The following GLI2 variants were observed in gnomAD, a reference collection of about 807,000 sequenced individuals.
GLI2 encodes transcription activator GLI2.
A neutral mutation model predicts 78.9 loss-of-function variants in GLI2; 22 were observed. That is an observed-to-expected ratio of 0.28 (90% CI 0.20 to 0.40). The LOEUF is 0.40. Ranked by LOEUF, GLI2 falls within the 10% of genes least tolerant of loss-of-function variation. GLI2 has a pLI of 1.00. For synonymous variants in GLI2, 974 were observed against 963.7 expected (o/e 1.01, Z -0.20); for missense variants, 2,097 against 2,213.2 (o/e 0.95, Z 1.05).
intron 6 of GLI2, 27 bp from the exon 7 acceptor site, chr2:120,970,366 C>G (rs775363396): frequency 9.3e-6 from 12 of 1,297,026 alleles, no homozygotes; most frequent in East Asian, 9.2e-5. Flanking sequence ...CCCCCACCCC[C>G]ACTTCCTTGT....
intron 2 of GLI2, among the ~76,000 whole-genome samples, chr2:120,897,532 G>A (rs1243666296): frequency 6.6e-6 from 1 of 152,206 alleles, no homozygotes; most frequent in East Asian, 1.9e-4. Context: ...TGTAGGCACA[G>A]GGTTTTTGGA....
At chr2:120,985,528 G>T (rs972163639) in intron 12 of GLI2, among the ~76,000 whole-genome samples, 3 of 152,186 alleles carry the variant, frequency 2.0e-5, no homozygotes, top group Admixed American at 6.5e-5. Context: ...CACCTAGAAG[G>T]TCCCTGCTCC....
intron 2 of GLI2, among the ~76,000 whole-genome samples, chr2:120,827,601 C>A (rs1461887892): frequency 6.6e-6 from 1 of 152,138 alleles, no homozygotes; most frequent in Non-Finnish European, 1.5e-5. Context: ...TTCATAGCAG[C>A]CTTATTCACA....
chr2:120,801,015 T>G (rs1335652004), intron 2 of GLI2, among the ~76,000 whole-genome samples: 2 of 152,190 alleles, frequency 1.3e-5, no homozygotes, highest in African/African-American at 4.8e-5. Flanking sequence ...TGGCCCCTCA[T>G]GCAGCCTCCC....
intron 2 of GLI2, among the ~76,000 whole-genome samples, 163 bp from the exon 3 acceptor site, chr2:120,927,198 T>C (rs1679723109): frequency 6.6e-6 from 1 of 152,262 alleles, no homozygotes. Context: ...TTTGATTATT[T>C]ATTCATCCCC....
chr2:120,921,097 T>A (rs1051003052), intron 2 of GLI2, among the ~76,000 whole-genome samples: 1 of 152,064 alleles, frequency 6.6e-6, no homozygotes, highest in African/African-American at 2.4e-5. Context: ...GCCAGGGGGC[T>A]CTGAGCAAGG....
chr2:120,840,377 G>A (rs560228350), intron 2 of GLI2, among the ~76,000 whole-genome samples: 2 of 152,222 alleles, frequency 1.3e-5, no homozygotes, highest in Non-Finnish European at 2.9e-5. Flanking sequence ...GGTATCTGGT[G>A]ACTCTTGTGT....
chr2:120,984,540 G>A lies in GLI2; in HGVS notation c.1702G>A (p.Val568Met). 1 of 1,614,232 alleles carries A rather than the reference G, an allele frequency of 6.2e-7. No homozygotes were observed. The highest frequency in any genetic ancestry group is 2.2e-5 in the East Asian group (1 of 44,872). ...YTDPSSLRKHVKTVHGPDAHV... is the reference protein window; with the variant it reads ...YTDPSSLRKHMKTVHGPDAHV... ...AGACCCCAGCTCTCTCCGGAAGCAT[G>A]TGAAAACGGTCCACGGCCCAGATGC... The change falls in exon 12 of 14, where the codon GTG becomes ATG. Residue 568 changes from valine to methionine, a missense_variant. Physicochemically the swap from Val to Met is conservative, Grantham distance 21 (BLOSUM62 1). Transcript: ENST00000361492.
rs527363637 is a variant in GLI2, at chr2:120,792,091, G to A, written c.-30-5200G>A. On this transcript the variant is annotated intron_variant, in intron 1 of 13. Transcript: ENST00000361492. ...CTCCTGGAGATTGATTTTGCCTGGG[G>A]AACAATGCTCTAATTCCTGTGAGTC... is the stretch of plus-strand genomic sequence containing the variant. Among the ~76,000 whole-genome samples, 19 of 152,322 alleles carry A rather than the reference G, an allele frequency of 1.2e-4. 1 individual carries two copies. In the South Asian group the frequency reaches 3.7e-3, roughly 30 times the overall value.
At position 120,762,060 on chromosome 2, in the gene GLI2, G is replaced by A. The variant is rs529053054; in HGVS notation, c.-31+25775G>A. 3.9e-5 allele frequency among the ~76,000 whole-genome samples: 6 copies of A among 152,364 alleles called. No homozygotes were observed. The South Asian group carries it at 8.3e-4, about 21-fold the overall frequency. ...TGAGATGCACCCACGGAGCCGGGCA[G>A]TTCTGGTGCCACACTCTGCTGGGGG... is the stretch of plus-strand genomic sequence containing the variant. On this transcript the variant is annotated intron_variant, in intron 1 of 13. Transcript: ENST00000361492.
intron 2 of GLI2, among the ~76,000 whole-genome samples, chr2:120,835,160 C>T (rs1013539818): frequency 2.6e-5 from 4 of 152,104 alleles, no homozygotes; most frequent in Non-Finnish European, 5.9e-5. Flanking sequence ...ATGGGTGGAG[C>T]CAATGGTCTT....
chr2:120,754,524 G>T (rs539627275), intron 1 of GLI2, among the ~76,000 whole-genome samples: 1 of 151,910 alleles, frequency 6.6e-6, no homozygotes, highest in Admixed American at 6.6e-5. Flanking sequence ...CATACAGGAT[G>T]TCCTCATTTT....
At position 120,990,423 on chromosome 2, in the gene GLI2, G is replaced by T; in HGVS notation, c.4458G>T (p.Gln1486His). The T allele has an allele frequency of 6.2e-7, 1 of 1,614,034 alleles. No individual in the cohort carries two copies. The highest frequency in any genetic ancestry group is 8.5e-7 in the Non-Finnish European group (1 of 1,179,986). The stretch of plus-strand genomic sequence containing the variant: ...AGGTGTCCAGCACTGTGGACTCCCA[G>T]CTCCTGGAGGCCCCCCAGATTGACT... The part of the protein sequence containing the change: ...VNQVSSTVDS[Q>H]LLEAPQIDFD... The change falls in exon 14 of 14, where the codon CAG becomes CAT. Residue 1486 changes from glutamine to histidine, a missense_variant. Around this residue, in one of 5 missense-constraint regions of GLI2, gnomAD observed 1,290 missense variants for 1,261.7 expected, o/e 1.02. Transcript: ENST00000361492.
intron 2 of GLI2, among the ~76,000 whole-genome samples, chr2:120,831,282 C>T (rs1686349120): frequency 6.6e-6 from 1 of 152,180 alleles, no homozygotes; most frequent in South Asian, 2.1e-4. Context: ...TGCATTCAGT[C>T]CAGCGCTTGA....
chr2:120,980,670 G>A (rs144319320), intron 10 of GLI2, among the ~76,000 whole-genome samples: 23 of 152,118 alleles, frequency 1.5e-4, no homozygotes, highest in East Asian at 5.8e-4. Context: ...TGCTTTTAGC[G>A]TCATAGCTAA....
At chr2:120,979,364 T>A (rs1682609551) in intron 10 of GLI2, among the ~76,000 whole-genome samples, 1 of 152,202 alleles carries the variant, frequency 6.6e-6, no homozygotes, top group Admixed American at 6.5e-5. Flanking sequence ...GAGAGACTTA[T>A]TTTTTTAACA....
At chr2:120,887,640 G>T (rs1351358895) in intron 2 of GLI2, among the ~76,000 whole-genome samples, 1 of 152,252 alleles carries the variant, frequency 6.6e-6, no homozygotes, top group Non-Finnish European at 1.5e-5. Flanking sequence ...AGCAATCATT[G>T]TTGGAAGCGC....
Position 120,988,959 on chromosome 2 carries a change from C to T in GLI2, c.2994C>T (p.Thr998=), listed in dbSNP as rs1274216666. ...TCCGCCTGCAGAGCCACCCGAGCAC[C>T]GACGGCGGCCTGGCCCGCGGCGCCT... is the stretch of plus-strand genomic sequence containing the variant. ...RGLRLQSHPS[T]DGGLARGAYS... is the part of the protein sequence containing the mutation. Residue 998 remains threonine, a synonymous_variant, in exon 14 of 14, where the codon ACC becomes ACT. Coordinates refer to ENST00000361492, the MANE Select transcript of GLI2 (RefSeq NM_001374353.1). The T allele has an allele frequency of 3.2e-6, 5 of 1,542,626 alleles. No homozygotes were observed. The highest frequency in any genetic ancestry group is 3.8e-5 in the Admixed American group (2 of 52,324).
intron 3 of GLI2, among the ~76,000 whole-genome samples, chr2:120,944,552 T>C (rs1530578): frequency 0.86 from 131,175 of 152,256 alleles, 59,325 homozygotes; most frequent in East Asian, 1. Context: ...ACCTTGGGGA[T>C]CAGCTGAAAT....
Sources: allele counts gnomAD v4.1 joint callset (sites outside exome capture counted in the v4.1 genomes callset), GRCh38; gene constraint gnomAD v4.1.1; regional missense constraint gnomAD v4.1.1; transcripts MANE v1.5; gene names NCBI Gene and HGNC (gene_info 2026-07-23, HGNC 2026-07-21).